The following C1QTNF12 variants were observed in gnomAD, a reference collection of about 807,000 sequenced individuals.
The protein encoded by C1QTNF12 is C1q and TNF related 12.
C1QTNF12 carries 39 observed loss-of-function variants against 34.3 expected under a neutral mutation model. The observed-to-expected ratio is 1.14, with a 90% CI of 0.88 to 1.49. C1QTNF12 has a LOEUF of 1.49. Among genes scored for constraint, C1QTNF12 ranks in the 40% most tolerant of loss-of-function variants. The probability of loss-of-function intolerance (pLI) is 0.00; values close to 1 mark genes in which losing one functional copy is unlikely to be tolerated. For missense variants in C1QTNF12, 497 were observed against 424.7 expected (o/e 1.17, Z -1.50); for synonymous variants, 220 against 196.9 (o/e 1.12, Z -0.98).
chr1:1,244,655 C>G, intron 1 of C1QTNF12, 158 bp from the exon 2 acceptor site: 1 of 627,560 alleles, frequency 1.6e-6, no homozygotes, highest in Non-Finnish European at 2.9e-6. Flanking sequence ...CCCTGACGTC[C>G]CAATGCCACC....
chr1:1,246,940 C>A (rs998718332), upstream of C1QTNF12, among the ~76,000 whole-genome samples: 2 of 152,062 alleles, frequency 1.3e-5, no homozygotes, highest in African/African-American at 4.8e-5. The surrounding 1 kb of genome is among the most constrained non-coding windows in gnomAD (Gnocchi z 4.5). Flanking sequence ...CCAGTAAATC[C>A]TCCCCTCGCC....
intron 5 of C1QTNF12, 36 bp downstream of exon 5, chr1:1,243,408 C>G (rs1452291646): frequency 1.3e-6 from 2 of 1,528,980 alleles, no homozygotes; most frequent in South Asian, 2.4e-5. Context: ...AGCCCCAGCC[C>G]CGTCACAGCA....
intron 7 of C1QTNF12, 75 bp downstream of exon 7, chr1:1,242,760 T>G (rs550467462): frequency 6.3e-7 from 1 of 1,575,710 alleles, no homozygotes; most frequent in African/African-American, 1.4e-5. Flanking sequence ...GTCTGCGCCC[T>G]GAGTGCACCG....
Position 1,246,105 on chromosome 1 carries a change from A to C in C1QTNF12, c.177+409T>G, listed in dbSNP as rs1000399684. On this transcript the variant is annotated intron_variant, in intron 1 of 7. Coordinates refer to ENST00000330388, the MANE Select transcript of C1QTNF12 (RefSeq NM_001014980.3). The surrounding 1 kb of genome is among the most constrained non-coding windows in gnomAD (Gnocchi z 4.5). ...CATGGCGTCTCCAGCCGCAGGAGTC[A>C]TGGGGCGCTGGACTCCCAAGGGGTC... Among the ~76,000 whole-genome samples, 4 of 152,120 alleles carry C rather than the reference A, an allele frequency of 2.6e-5. No homozygotes were observed. The highest frequency in any genetic ancestry group is 4.4e-5 in the Non-Finnish European group (3 of 67,986).
rs374832135 is a variant in C1QTNF12 at position 1,242,517 on chromosome 1, G to A, written c.*31C>T. 4.2e-5 allele frequency: 63 copies of A among 1,517,536 alleles called. No homozygotes were observed. The African/African-American group carries it at 5.7e-4, about 14-fold the overall frequency. The allele number at this position is 1,517,536 out of a possible 1,614,324, so 94.0% of individuals were successfully genotyped here. A position where few individuals can be genotyped will look rare whatever the true frequency, so the allele number is the denominator to read the frequency against. Reference sequence around the variant, plus strand: ...AGTAGGAGGGTCCCCGGGATCCGGCGGCAGCTCCTCGCCAGCCCCCCTGGG... The same window carrying A: ...AGTAGGAGGGTCCCCGGGATCCGGCAGCAGCTCCTCGCCAGCCCCCCTGGG... On this transcript the variant is annotated 3_prime_UTR_variant, in exon 8 of 8. Transcript: ENST00000330388.
rs1410919450 is a variant in C1QTNF12 at position 1,246,555 on chromosome 1, C to T, written c.136G>A (p.Ala46Thr). Residue 46 changes from alanine to threonine, a missense_variant, in exon 1 of 8, where the codon GCC becomes ACC. Transcript: ENST00000330388. This position sits in a 1 kb window ranked among gnomAD's most constrained non-coding sequence, Gnocchi z 4.5. ...AGCCCCTCGCGGGAGGACGCGCTGG[C>T]GGTGGCGTTGGGGGGATCTGCGCGC... ...GQRADPPNAT[A>T]SASSREGLPE... 9.7e-6 allele frequency: 12 copies of T among 1,240,360 alleles called. No individual in the cohort carries two copies. The Admixed American group carries it at 3.8e-4, about 39-fold the overall frequency. 76.8% of individuals were successfully genotyped at this position (1,240,360 alleles called of 1,614,324 possible). A position where few individuals can be genotyped will look rare whatever the true frequency, so the allele number is the denominator to read the frequency against.
intron 4 of C1QTNF12, 78 bp from the exon 5 acceptor site, chr1:1,243,630 C>CT: frequency 8.4e-7 from 1 of 1,195,966 alleles, no homozygotes; most frequent in Non-Finnish European, 1.2e-6. Context: ...AAGGTGCCTG[C>CT]AACCGACAGC....
At chr1:1,244,129 G>T in intron 3 of C1QTNF12, 24 bp from the exon 4 acceptor site, 1 of 1,564,168 alleles carries the variant, frequency 6.4e-7, no homozygotes, top group Non-Finnish European at 8.7e-7. Context: ...GGCACAGGCG[G>T]CCAGCAGGGT....
rs1638763324 is a variant in C1QTNF12, at chr1:1,242,511, T to C, written c.*37A>G. On this transcript the variant is annotated 3_prime_UTR_variant, in exon 8 of 8. Coordinates refer to ENST00000330388, the MANE Select transcript of C1QTNF12 (RefSeq NM_001014980.3). ...GGCATCAGTAGGAGGGTCCCCGGGA[T>C]CCGGCGGCAGCTCCTCGCCAGCCCC... 1 of 1,489,596 alleles carries C rather than the reference T, an allele frequency of 6.7e-7. No homozygotes were observed. The highest frequency in any genetic ancestry group is 9.1e-7 in the Non-Finnish European group (1 of 1,096,676). 92.3% of individuals were successfully genotyped at this position (1,489,596 alleles called of 1,614,324 possible).
rs1638889711 is a variant in C1QTNF12, at chr1:1,246,291, G to A, written c.177+223C>T. On this transcript the variant is annotated intron_variant, in intron 1 of 7. Transcript: ENST00000330388. The surrounding 1 kb of genome is among the most constrained non-coding windows in gnomAD (Gnocchi z 4.5). ...AAGCCCCCTTCACCCACCCACCCCA[G>A]GCCAGCTGGGGGCCAGGTCTCCGCT... Among the ~76,000 whole-genome samples the A allele has an allele frequency of 6.6e-6, 1 of 151,796 alleles. No homozygotes were observed. Among genetic ancestry groups the A allele is most frequent in the Admixed American group, 6.6e-5 (1 of 15,230 alleles).
Position 1,244,190 on chromosome 1 carries a change from C to T in C1QTNF12, c.379+1G>A. 6.3e-7 allele frequency: 1 copy of T among 1,583,436 alleles called. No homozygotes were observed. The highest frequency in any genetic ancestry group is 8.6e-7 in the Non-Finnish European group (1 of 1,165,272). On this transcript the variant is annotated splice_donor_variant, in intron 3 of 7. Transcript: ENST00000330388. LOFTEE classifies it high-confidence loss of function. The stretch of plus-strand genomic sequence containing the variant: ...TCTCTGGGCAGTGCAGGGCGGCTGA[C>T]CTTTCAGCAGCTCCTGAAACTCGTG...
rs1333979356 is a variant in C1QTNF12 at position 1,243,103 on chromosome 1, C to G, written c.690G>C (p.Val230=). The G allele has an allele frequency of 6.3e-7, 1 of 1,589,498 alleles. No homozygotes were observed. Among genetic ancestry groups the G allele is most frequent in the African/African-American group, 1.3e-5 (1 of 74,376 alleles). ...GGGACTCAATACAGATGAGAACACA[C>G]ACCACGTCCCGGGCCCGCAGCCGGG... ...GKARLRARDV[V]CVLICIESLC... The change falls in exon 6 of 8, where the codon GTG becomes GTC. Residue 230 remains valine, a synonymous_variant. Coordinates refer to ENST00000330388, the MANE Select transcript of C1QTNF12 (RefSeq NM_001014980.3).
rs1458930830 is a variant in C1QTNF12 at position 1,244,477 on chromosome 1, A to G, written c.198T>C (p.Pro66=). ...EAPKPSQASG[P]EFSDAHMTWL... The stretch of plus-strand genomic sequence containing the variant: ...ATGTCATGTGGGCGTCGGAGAACTC[A>G]GGTCCTGAGGCCTGGGATGGCTGAA... Residue 66 remains proline, a synonymous_variant, in exon 2 of 8, where the codon CCT becomes CCC. Coordinates refer to ENST00000330388, the MANE Select transcript of C1QTNF12 (RefSeq NM_001014980.3). The G allele has an allele frequency of 1.2e-6, 2 of 1,611,666 alleles. No homozygotes were observed. The highest frequency in any genetic ancestry group is 1.1e-5 in the South Asian group (1 of 91,088).
chr1:1,242,793 A>AGTGCACCCGAGCCCTCCCGC, intron 7 of C1QTNF12, 42 bp downstream of exon 7: 1 of 1,602,174 alleles, frequency 6.2e-7, no homozygotes. Flanking sequence ...GCCCAGCCCG[A>AGTGCACCCGAGCCCTCCCGC]GTGCACCCGA....
rs1304456202 is a variant in C1QTNF12, at chr1:1,246,547, C to T, written c.144G>A (p.Ala48=). ...RADPPNATAS[A]SSREGLPEAP... ...CCTCGGGCAGCCCCTCGCGGGAGGA[C>T]GCGCTGGCGGTGGCGTTGGGGGGAT... Residue 48 remains alanine (A), a synonymous_variant, in exon 1 of 8, where the codon GCG becomes GCA. Coordinates refer to ENST00000330388, the MANE Select transcript of C1QTNF12 (RefSeq NM_001014980.3). This position sits in a 1 kb window ranked among gnomAD's most constrained non-coding sequence, Gnocchi z 4.5. 20 of 1,238,454 alleles carry T rather than the reference C, an allele frequency of 1.6e-5. No homozygotes were observed. The highest frequency in any genetic ancestry group is 1.9e-5 in the Non-Finnish European group (19 of 991,128). The allele number at this position is 1,238,454 out of a possible 1,614,324, so 76.7% of individuals were successfully genotyped here.
Position 1,244,386 on chromosome 1 carries a change from T to G in C1QTNF12, c.289A>C (p.Lys97Gln). 5 of 1,611,284 alleles carry G rather than the reference T, an allele frequency of 3.1e-6. No individual in the cohort carries two copies. The highest frequency in any genetic ancestry group is 4.2e-6 in the Non-Finnish European group (5 of 1,179,108). Reference sequence around the variant, plus strand: ...GCAGCCCGGGCGGGGCTCACCGGCTTCTTGTCCCTGCTTCCGCACCGCTTC... The same window carrying G: ...GCAGCCCGGGCGGGGCTCACCGGCTGCTTGTCCCTGCTTCCGCACCGCTTC... The part of the protein sequence containing the change: ...LRKRCGSRDK[K>Q]PRDLFGPPGP... Residue 97 changes from lysine to glutamine, a missense_variant, in exon 2 of 8, where the codon AAG becomes CAG. Transcript: ENST00000330388.
chr1:1,245,560 GC>G (rs1428297803), intron 1 of C1QTNF12, among the ~76,000 whole-genome samples: 1 of 151,676 alleles, frequency 6.6e-6, no homozygotes, highest in Non-Finnish European at 1.5e-5. Flanking sequence ...GCAGTGGGGT[GC>G]CCCCTCCCTT....
In C1QTNF12 at chr1:1,243,822, C is replaced by T. The variant is rs112407210; in HGVS notation, c.531+132G>A. The T allele has an allele frequency of 2.0e-3, 2,512 of 1,267,718 alleles. 42 individuals carry two copies. In the African/African-American group the frequency reaches 0.031, roughly 16 times the overall value. The allele number at this position is 1,267,718 out of a possible 1,614,324, so 78.5% of individuals were successfully genotyped here. ...CTCCCAACCCTGACCCGAGGCAGCCCCTCGCCCTCCGAGCCCCGCCCCCAG... is the reference window on the plus strand; with the variant it reads ...CTCCCAACCCTGACCCGAGGCAGCCTCTCGCCCTCCGAGCCCCGCCCCCAG... On this transcript the variant is annotated intron_variant, in intron 4 of 7. Transcript: ENST00000330388.
At chr1:1,243,835 G>GCCCCCCC in intron 4 of C1QTNF12, 119 bp downstream of exon 4, 46 of 1,279,662 alleles carry the variant, frequency 3.6e-5, no homozygotes, top group Non-Finnish European at 4.3e-5. Context: ...CGCCCTCCGA[G>GCCCCCCC]CCCCGCCCCC....
Sources: gnomAD v4.1 joint callset for allele counts (sites outside exome capture counted in the v4.1 genomes callset) on GRCh38, gnomAD v4.1.1 for gene constraint, Gnocchi (gnomAD v3.1) non-coding constraint, MANE v1.5 for transcripts, NCBI Gene and HGNC (gene_info 2026-07-23, HGNC 2026-07-21) for gene names.